The following ATXN1 variants were observed in gnomAD, a reference collection of about 807,000 sequenced individuals.
The protein encoded by ATXN1 is ataxin-1.
A neutral mutation model predicts 56.4 loss-of-function variants in ATXN1; 8 were observed. That is an observed-to-expected ratio of 0.14 (90% confidence interval 0.08 to 0.26). The LOEUF is 0.26. Among genes scored for constraint, ATXN1 ranks in the 10% least tolerant of loss-of-function variants. The pLI is 1.00. For synonymous variants in ATXN1, 514 were observed against 494.6 expected (o/e 1.04, Z -0.52); for missense variants, 987 against 1,106.5 (o/e 0.89, Z 1.53).
At position 16,482,408 on chromosome 6, in the gene ATXN1, A is replaced by G. The variant is rs112739217; in HGVS notation, c.-161+3564T>C. On this transcript the variant is annotated intron_variant, in intron 6 of 7. Transcript: ENST00000436367. Reference sequence around the variant, plus strand: ...ATTAACAAATAAATATATAATATGTAAGGTGCTTAAAAGAAAAACACAGAA... The same window carrying G: ...ATTAACAAATAAATATATAATATGTGAGGTGCTTAAAAGAAAAACACAGAA... Among the ~76,000 whole-genome samples the G allele has an allele frequency of 3.6e-3, 546 of 152,328 alleles. 4 individuals are homozygous for G. Among genetic ancestry groups the G allele is most frequent in the African/African-American group, 0.012 (512 of 41,566 alleles).
chr6:16,474,009 C>T (rs545125987), intron 6 of ATXN1, among the ~76,000 whole-genome samples: 149 of 152,288 alleles, frequency 9.8e-4, no homozygotes, highest in Non-Finnish European at 1.5e-3. Context: ...ATGACCACTC[C>T]CCTGTCTTCA....
intron 4 of ATXN1, among the ~76,000 whole-genome samples, chr6:16,567,689 G>A (rs938292867): frequency 2.0e-5 from 3 of 151,838 alleles, no homozygotes; most frequent in Non-Finnish European, 2.9e-5. Context: ...AGTTCCCTGA[G>A]AAGGCATATC....
chr6:16,327,767 C>T lies in ATXN1; in HGVS notation c.544G>A (p.Ala182Thr), dbSNP rs1175306582. The change falls in exon 7 of 8, where the codon GCC (alanine) becomes ACC (threonine). Residue 182 changes from alanine (A) to threonine (T), a missense_variant. Coordinates refer to ENST00000436367, the MANE Select transcript of ATXN1 (RefSeq NM_001128164.2). ...GTCTGGCTCAGACTGCCCATGTTGG[C>T]CAGCAGAGTGGAATAGGCCTCCAGC... ...SQLEAYSTLL[A>T]NMGSLSQTPG... 1 of 1,609,592 alleles carries T rather than the reference C, an allele frequency of 6.2e-7. No homozygotes were observed. Among genetic ancestry groups the T allele is most frequent in the Admixed American group, 1.7e-5 (1 of 60,018 alleles).
At chr6:16,570,217 T>C (rs1190874331) in intron 4 of ATXN1, among the ~76,000 whole-genome samples, 1 of 152,222 alleles carries the variant, frequency 6.6e-6, no homozygotes, top group Admixed American at 6.5e-5. Context: ...CCGCTGAGAT[T>C]TTATAATACT....
At chr6:16,539,289 T>C (rs1337585095) in intron 4 of ATXN1, among the ~76,000 whole-genome samples, 1 of 152,156 alleles carries the variant, frequency 6.6e-6, no homozygotes, top group Non-Finnish European at 1.5e-5. Flanking sequence ...TCAAGCATCT[T>C]TTCATCTTCA....
intron 6 of ATXN1, among the ~76,000 whole-genome samples, chr6:16,426,720 G>A (rs1759163498): frequency 6.6e-6 from 1 of 151,968 alleles, no homozygotes; most frequent in Non-Finnish European, 1.5e-5. Flanking sequence ...GCCCCCATTT[G>A]TACATCTCTG....
chr6:16,759,530 GTTTTTTTTTTTTTTTT>G (rs1046854905), intron 1 of ATXN1, among the ~76,000 whole-genome samples: 1 of 45,926 alleles, frequency 2.2e-5, no homozygotes, highest in Admixed American at 2.4e-4. Context: ...TCTTCCGACT[GTTTTTTTTTTTTTTTT>G]TTTTTTTTTT....
At chr6:16,557,394 G>A (rs938461346) in intron 4 of ATXN1, among the ~76,000 whole-genome samples, 10 of 151,142 alleles carry the variant, frequency 6.6e-5, no homozygotes, top group Admixed American at 4.6e-4. Context: ...GGACAGAGGA[G>A]GAGATAGGAA....
chr6:16,691,391 A>G (rs1313898152), intron 2 of ATXN1, among the ~76,000 whole-genome samples: 1 of 152,236 alleles, frequency 6.6e-6, no homozygotes, highest in Non-Finnish European at 1.5e-5. Context: ...GAAAATGCAT[A>G]TGCAGTATTA....
rs537261149 is a variant in ATXN1, at chr6:16,465,157, G to C, written c.-161+20815C>G. 1.2e-4 allele frequency among the ~76,000 whole-genome samples: 18 copies of C among 152,278 alleles called. No individual in the cohort carries two copies. The South Asian group carries it at 3.7e-3, about 32-fold the overall frequency. On this transcript the variant is annotated intron_variant, in intron 6 of 7. Transcript: ENST00000436367. ...TTCCAGATACTAGCTAGAGCCAAGT[G>C]GAATTAATCAGGCAAGGTGCAACGG... is the stretch of plus-strand genomic sequence containing the variant.
intron 4 of ATXN1, among the ~76,000 whole-genome samples, chr6:16,557,225 G>T (rs532410676): frequency 1.3e-5 from 2 of 151,668 alleles, no homozygotes; most frequent in East Asian, 3.9e-4. Context: ...TACTGGGGAG[G>T]CTAAGGCACA....
intron 3 of ATXN1, among the ~76,000 whole-genome samples, chr6:16,624,409 C>A (rs1374368844): frequency 1.3e-5 from 2 of 148,324 alleles, no homozygotes; most frequent in African/African-American, 2.5e-5. Flanking sequence ...AGTTGTACAA[C>A]AATGTGAATT....
chr6:16,582,759 G>A (rs757813867), intron 4 of ATXN1, among the ~76,000 whole-genome samples: 1 of 152,160 alleles, frequency 6.6e-6, no homozygotes, highest in South Asian at 2.1e-4. Flanking sequence ...CAACCAACAC[G>A]TCTGCATTTC....
intron 2 of ATXN1, among the ~76,000 whole-genome samples, chr6:16,703,316 C>T (rs373025296): frequency 1.3e-5 from 2 of 152,120 alleles, no homozygotes; most frequent in South Asian, 2.1e-4. Context: ...GAACACCACA[C>T]CCCAGGGCCT....
intron 2 of ATXN1, among the ~76,000 whole-genome samples, chr6:16,699,769 CTGAG>C (rs58665157): frequency 0.014 from 2,114 of 152,278 alleles, 54 homozygotes; most frequent in African/African-American, 0.048. Flanking sequence ...TCGCATGATT[CTGAG>C]TAAGAATCAA....
intron 2 of ATXN1, among the ~76,000 whole-genome samples, chr6:16,727,275 A>G (rs1214682017): frequency 6.6e-6 from 1 of 152,236 alleles, no homozygotes; most frequent in Non-Finnish European, 1.5e-5. Flanking sequence ...TATAATAAAA[A>G]AGCAATTAAT....
At chr6:16,473,747 G>C (rs1351079898) in intron 6 of ATXN1, among the ~76,000 whole-genome samples, 1 of 152,144 alleles carries the variant, frequency 6.6e-6, no homozygotes, top group Non-Finnish European at 1.5e-5. Flanking sequence ...CTGATGACCT[G>C]AGCCTCTGTC....
chr6:16,632,484 C>G (rs1581313412), intron 3 of ATXN1, among the ~76,000 whole-genome samples: 4 of 152,254 alleles, frequency 2.6e-5, no homozygotes, highest in African/African-American at 9.6e-5. Flanking sequence ...TTCACACAGG[C>G]AAGATTCTTG....
intron 4 of ATXN1, among the ~76,000 whole-genome samples, chr6:16,545,553 C>T (rs1397586027): frequency 6.6e-6 from 1 of 152,204 alleles, no homozygotes; most frequent in Non-Finnish European, 1.5e-5. Context: ...TCATCATCAA[C>T]AAACCTATTT....
Sources: allele counts gnomAD v4.1 joint callset (sites outside exome capture counted in the v4.1 genomes callset), GRCh38; gene constraint gnomAD v4.1.1; transcripts MANE v1.5; gene names NCBI Gene and HGNC (gene_info 2026-07-23, HGNC 2026-07-21).